SPON2: variants seen among roughly 807,000 people sequenced by gnomAD.
SPON2 encodes spondin 2.
SPON2 carries 32 observed loss-of-function variants against 29.9 expected under a neutral mutation model. The ratio of observed to expected loss-of-function variants is 1.07; its 90% CI spans 0.81 to 1.44. The LOEUF is 1.44. SPON2 is among the 40% of genes most tolerant of loss of function. The pLI is 0.00. For missense variants in SPON2, 541 were observed against 455.5 expected (o/e 1.19, Z -1.71); for synonymous variants, 248 against 209.1 (o/e 1.19, Z -1.61).
At chr4:1,168,090 C>G (rs564184723) in intron 5 of SPON2, 2 of 171,984 alleles carry the variant, frequency 1.2e-5, no homozygotes, top group South Asian at 1.8e-4. Flanking sequence ...CCTGGACCCC[C>G]CACAGGACTC....
upstream of SPON2, among the ~76,000 whole-genome samples, chr4:1,175,403 C>T (rs186943457): frequency 5.6e-3 from 859 of 152,378 alleles, 6 homozygotes; most frequent in African/African-American, 0.018. Flanking sequence ...AGGAGCTGTT[C>T]TCCCAGCCCG....
chr4:1,172,228 G>A (rs1025908375), intron 1 of SPON2, 154 bp from the exon 2 acceptor site: 3 of 659,464 alleles, frequency 4.5e-6, no homozygotes, highest in Non-Finnish European at 5.1e-6. Context: ...CGGTGCTTCC[G>A]AGACCCCCAT....
chr4:1,172,810 C>T (rs1177793205), upstream of SPON2: 1 of 151,976 alleles, frequency 6.6e-6, no homozygotes, highest in African/African-American at 2.4e-5. Flanking sequence ...CCCTCTTCCC[C>T]TGGCAGTGCT....
upstream of SPON2, among the ~76,000 whole-genome samples, chr4:1,176,541 AC>A (rs1395414836): frequency 6.6e-6 from 1 of 151,994 alleles, no homozygotes; most frequent in East Asian, 1.9e-4. Context: ...ACATTCATTC[AC>A]TAATTCACTC....
intron 1 of SPON2, among the ~76,000 whole-genome samples, chr4:1,193,954 G>A (rs1163193316): frequency 6.6e-6 from 1 of 151,580 alleles, no homozygotes. Context: ...TAACACGGGG[G>A]TGGCGTGGGC....
intron 5 of SPON2, among the ~76,000 whole-genome samples, chr4:1,169,594 G>A (rs1006858891): frequency 6.6e-6 from 1 of 152,180 alleles, no homozygotes; most frequent in African/African-American, 2.4e-5. Flanking sequence ...GGCTTGGGGG[G>A]CAGGTGTGGG....
chr4:1,168,738 T>A (rs2153076547), intron 5 of SPON2, among the ~76,000 whole-genome samples: 1 of 152,282 alleles, frequency 6.6e-6, no homozygotes, highest in South Asian at 2.1e-4. Context: ...GCACTGGCAG[T>A]GCCTGTTCTA....
intron 1 of SPON2, among the ~76,000 whole-genome samples, chr4:1,180,752 C>T (rs1169216719): frequency 6.6e-6 from 1 of 152,048 alleles, no homozygotes; most frequent in Non-Finnish European, 1.5e-5. Flanking sequence ...TAAACTCTCA[C>T]TAGAGGATTT....
intron 1 of SPON2, among the ~76,000 whole-genome samples, chr4:1,190,068 A>G (rs980518332): frequency 9.9e-5 from 15 of 152,068 alleles, no homozygotes; most frequent in Admixed American, 3.3e-4. Context: ...GAGAAGACTC[A>G]AATTTACTAA....
chr4:1,191,980 C>T (rs1041892312), intron 1 of SPON2, among the ~76,000 whole-genome samples: 2 of 152,220 alleles, frequency 1.3e-5, no homozygotes, highest in Non-Finnish European at 2.9e-5. Context: ...TCCCTGTTTC[C>T]AGGGCTCTGA....
At chr4:1,206,129 G>A (rs1056991657) in intron 1 of SPON2, among the ~76,000 whole-genome samples, 1 of 152,166 alleles carries the variant, frequency 6.6e-6, no homozygotes, top group Non-Finnish European at 1.5e-5. Flanking sequence ...CTGTCAGGGT[G>A]ACCCTGCCCT....
At chr4:1,187,149 G>C (rs1195388519) in intron 1 of SPON2, among the ~76,000 whole-genome samples, 1 of 152,156 alleles carries the variant, frequency 6.6e-6, no homozygotes, top group African/African-American at 2.4e-5. Context: ...TGAACAAACA[G>C]ATAAGCAGAA....
chr4:1,171,698 C>G (rs1278882121), intron 2 of SPON2, 154 bp downstream of exon 2: 5 of 776,908 alleles, frequency 6.4e-6, no homozygotes, highest in Non-Finnish European at 1.0e-5. Context: ...TCCCCGGAAC[C>G]GCACACCGCA....
upstream of SPON2, among the ~76,000 whole-genome samples, chr4:1,176,892 C>CACTT (rs1560204775): frequency 0.013 from 1,943 of 151,886 alleles, 36 homozygotes; most frequent in African/African-American, 0.044. Context: ...TTCATTCACA[C>CACTT]CATTCATTCA....
chr4:1,180,990 T>A (rs572815443), intron 1 of SPON2, among the ~76,000 whole-genome samples: 20 of 152,276 alleles, frequency 1.3e-4, no homozygotes, highest in African/African-American at 4.6e-4. Context: ...TAGCTGACAC[T>A]TCCCAAAGAT....
intron 1 of SPON2, among the ~76,000 whole-genome samples, chr4:1,206,610 C>T (rs931986583): frequency 3.3e-5 from 5 of 152,184 alleles, no homozygotes; most frequent in South Asian, 2.1e-4. Flanking sequence ...GGGGACCCAG[C>T]GGGCTGAGTG....
chr4:1,170,084 C>T, intron 5 of SPON2: 1 of 301,834 alleles, frequency 3.3e-6, no homozygotes, highest in Non-Finnish European at 6.2e-6. Flanking sequence ...AGCAAGCTTC[C>T]TTGTCAGCTG....
At position 1,202,250 on chromosome 4, in the gene SPON2, G is replaced by A. The variant is rs189791845; in HGVS notation, c.-234+5630C>T. On this transcript the variant is annotated intron_variant, in intron 1 of 3. Transcript: ENST00000509233. The surrounding 1 kb of genome is among the most constrained non-coding windows in gnomAD (Gnocchi z 5.4). ...TCGCATCCTCACCGGCTGGAGGGTGGGTCTGCCCCACAAGCCCTTTTCATG... is the reference window on the plus strand; with the variant it reads ...TCGCATCCTCACCGGCTGGAGGGTGAGTCTGCCCCACAAGCCCTTTTCATG... Among the ~76,000 whole-genome samples, 335 of 152,268 alleles carry A rather than the reference G, an allele frequency of 2.2e-3. 2 individuals are homozygous for A. The highest frequency in any genetic ancestry group is 7.7e-3 in the African/African-American group (318 of 41,538).
chr4:1,179,959 G>A (rs796868188), intron 1 of SPON2, among the ~76,000 whole-genome samples: 42 of 152,018 alleles, frequency 2.8e-4, no homozygotes, highest in African/African-American at 8.9e-4. Flanking sequence ...CTAACAGTTG[G>A]GCAAGAAATA....
Sources: allele counts gnomAD v4.1 joint callset (sites outside exome capture counted in the v4.1 genomes callset), GRCh38; gene constraint gnomAD v4.1.1; non-coding constraint Gnocchi (gnomAD v3.1); transcripts MANE v1.5; gene names NCBI Gene and HGNC (gene_info 2026-07-23, HGNC 2026-07-21).